Variants in ESD observed in about 807,000 individuals in gnomAD.
The protein encoded by ESD is esterase D, also known as S-formylglutathione hydrolase.
Under a neutral mutation model 38.1 loss-of-function variants are expected in ESD, and 34 were observed. The ratio of observed to expected loss-of-function variants is 0.89; its 90% CI spans 0.68 to 1.19. The LOEUF (loss-of-function observed/expected upper bound fraction) is 1.19, where lower values mean the gene tolerates loss of function less well. ESD is among the 50% of genes most tolerant of loss of function. The pLI is 0.00. For missense variants in ESD, 334 were observed against 327.2 expected (o/e 1.02, Z -0.16); for synonymous variants, 97 against 107.0 (o/e 0.91, Z 0.58).
At chr13:46,780,861 T>G (rs556337571) in intron 7 of ESD, among the ~76,000 whole-genome samples, 8 of 151,770 alleles carry the variant, frequency 5.3e-5, no homozygotes, top group Non-Finnish European at 8.9e-5. Context: ...TTTAAGGGCA[T>G]GAACAGCCCT....
rs1566280278 is a variant in ESD at position 46,782,762 on chromosome 13, T to C, written c.286A>G (p.Ser96Gly). The C allele has an allele frequency of 1.2e-6, 2 of 1,612,288 alleles. No homozygotes were observed. Among genetic ancestry groups the C allele is most frequent in the Non-Finnish European group, 1.7e-6 (2 of 1,178,812 alleles). ...RGCNIKGEDESWDFGTGAGFY... is the reference protein window; with the variant it reads ...RGCNIKGEDEGWDFGTGAGFY... ...CCAGCACCAGTGCCAAAGTCCCAGC[T>C]CTCATCTTCACCTTTAATATTGCAG... Residue 96 changes from serine (S) to glycine (G), a missense_variant, in exon 6 of 10, where the codon AGC becomes GGC. Transcript: ENST00000378720.
At position 46,780,019 on chromosome 13, in the gene ESD, A is replaced by G; in HGVS notation, c.516T>C (p.Phe172=). The change falls in exon 8 of 10, where the codon TTT becomes TTC. Residue 172 remains phenylalanine, a synonymous_variant. Coordinates refer to ENST00000378720, the MANE Select transcript of ESD (RefSeq NM_001984.2). ...NPGKYKSVSA[F]APICNPVLCP... ...AGAGTACAGGGTTGCAAATTGGAGC[A>G]AATGCTGACACAGACTTCAGAAACA... 6.3e-7 allele frequency: 1 copy of G among 1,594,392 alleles called. No homozygotes were observed. The highest frequency in any genetic ancestry group is 8.6e-7 in the Non-Finnish European group (1 of 1,169,172).
At chr13:46,785,025 C>A (rs1052328246) in intron 4 of ESD, among the ~76,000 whole-genome samples, 4 of 151,832 alleles carry the variant, frequency 2.6e-5, no homozygotes, top group African/African-American at 9.7e-5. Context: ...AATACAAATA[C>A]TTTTTTTTAC....
chr13:46,776,569 CAG>C (rs1874805304), intron 9 of ESD: 1 of 152,032 alleles, frequency 6.6e-6, no homozygotes, highest in Non-Finnish European at 1.5e-5. Flanking sequence ...ATTTGTAAAA[CAG>C]ATGGATAGGA....
At chr13:46,779,416 C>T (rs1216954) in intron 8 of ESD, among the ~76,000 whole-genome samples, 7,464 of 151,482 alleles carry the variant, frequency 0.049, 583 homozygotes, top group African/African-American at 0.17. Context: ...ATCAGAAATG[C>T]TCCAAAATCT....
chr13:46,780,038 AGAAAC>A lies in ESD; in HGVS notation c.502-10_502-6del. On this transcript the variant is annotated splice_polypyrimidine_tract_variant and splice_region_variant and intron_variant, in intron 7 of 9. Coordinates refer to ENST00000378720, the MANE Select transcript of ESD (RefSeq NM_001984.2). ...TGGAGCAAATGCTGACACAGACTTC[AGAAAC>A]AAAAGAAATTTAAAAACAAGTTATA... 1 of 1,561,934 alleles carries A rather than the reference AGAAAC, an allele frequency of 6.4e-7. No individual in the cohort carries two copies. Among genetic ancestry groups the A allele is most frequent in the Non-Finnish European group, 8.7e-7 (1 of 1,150,006 alleles).
chr13:46,796,414 G>A (rs1875578613), intron 1 of ESD, among the ~76,000 whole-genome samples: 1 of 152,214 alleles, frequency 6.6e-6, no homozygotes, highest in African/African-American at 2.4e-5. Context: ...TTAAAATGCT[G>A]CTTCTACCAC....
intron 5 of ESD, 125 bp downstream of exon 5, chr13:46,784,127 T>A: frequency 1.5e-6 from 1 of 676,668 alleles, no homozygotes; most frequent in Non-Finnish European, 2.4e-6. Context: ...TGATGCCACT[T>A]GAAAGGTTAA....
At chr13:46,784,494 G>C in intron 4 of ESD, 144 bp from the exon 5 acceptor site, 1 of 580,924 alleles carries the variant, frequency 1.7e-6, no homozygotes, top group Middle Eastern at 3.2e-4. Context: ...CTACCCGGGT[G>C]ATGGTATCTT....
intron 8 of ESD, among the ~76,000 whole-genome samples, chr13:46,779,643 A>T (rs1874925899): frequency 6.7e-6 from 1 of 149,006 alleles, no homozygotes; most frequent in African/African-American, 2.4e-5. Context: ...GTAGAAAAAA[A>T]ATATAGCCCC....
chr13:46,794,161 A>AAC (rs1555294167), intron 1 of ESD, among the ~76,000 whole-genome samples: 7 of 151,336 alleles, frequency 4.6e-5, no homozygotes, highest in African/African-American at 1.7e-4. Flanking sequence ...CCCCTCCAAA[A>AAC]AACAACAACA....
At chr13:46,787,857 A>G (rs1403281830) in intron 3 of ESD, among the ~76,000 whole-genome samples, 1 of 151,944 alleles carries the variant, frequency 6.6e-6, no homozygotes, top group Non-Finnish European at 1.5e-5. Flanking sequence ...CATATTCCAG[A>G]GATAATTAAT....
intron 7 of ESD, among the ~76,000 whole-genome samples, chr13:46,780,354 T>TA (rs1174996255): frequency 6.6e-6 from 1 of 151,762 alleles, no homozygotes; most frequent in East Asian, 1.9e-4. Context: ...CACTGAAAAT[T>TA]AATCTATAGT....
At chr13:46,779,894 A>C in intron 8 of ESD, 41 bp downstream of exon 8, 1 of 1,479,688 alleles carries the variant, frequency 6.8e-7, no homozygotes, top group Non-Finnish European at 9.3e-7. Flanking sequence ...AACAAACTTG[A>C]AACTTAAGAA....
At chr13:46,774,236 A>G (rs973673948) in intron 9 of ESD, among the ~76,000 whole-genome samples, 3 of 152,204 alleles carry the variant, frequency 2.0e-5, no homozygotes, top group East Asian at 1.9e-4. Flanking sequence ...ACAAATGACC[A>G]TAAGTTCCAT....
In ESD at chr13:46,780,037, C is replaced by T. The variant is rs2138289894; in HGVS notation, c.502-4G>A. 6.4e-7 allele frequency: 1 copy of T among 1,571,034 alleles called. No individual in the cohort carries two copies. The highest frequency in any genetic ancestry group is 8.6e-7 in the Non-Finnish European group (1 of 1,157,538). On this transcript the variant is annotated splice_region_variant and splice_polypyrimidine_tract_variant and intron_variant, in intron 7 of 9. Coordinates refer to ENST00000378720, the MANE Select transcript of ESD (RefSeq NM_001984.2). Reference sequence around the variant, plus strand: ...TTGGAGCAAATGCTGACACAGACTTCAGAAACAAAAGAAATTTAAAAACAA... The same window carrying T: ...TTGGAGCAAATGCTGACACAGACTTTAGAAACAAAAGAAATTTAAAAACAA...
intron 1 of ESD, among the ~76,000 whole-genome samples, chr13:46,796,793 A>C (rs1317260108): frequency 2.0e-5 from 3 of 152,230 alleles, no homozygotes; most frequent in Non-Finnish European, 4.4e-5. Flanking sequence ...CGGGTCTAGG[A>C]AAGTCTTTCT....
At chr13:46,787,265 G>A (rs1056461607) in intron 3 of ESD, among the ~76,000 whole-genome samples, 156 bp from the exon 4 acceptor site, 5 of 151,798 alleles carry the variant, frequency 3.3e-5, no homozygotes, top group African/African-American at 4.8e-5. Context: ...AACATTTAAC[G>A]AATATACTTG....
At chr13:46,788,044 T>C (rs1005910461) in intron 3 of ESD, among the ~76,000 whole-genome samples, 3 of 152,040 alleles carry the variant, frequency 2.0e-5, no homozygotes, top group Non-Finnish European at 4.4e-5. Context: ...ACATTTCTCC[T>C]TCCACTATCG....
Sources: gnomAD v4.1 joint callset for allele counts (sites outside exome capture counted in the v4.1 genomes callset) on GRCh38, gnomAD v4.1.1 for gene constraint, MANE v1.5 for transcripts, NCBI Gene and HGNC (gene_info 2026-07-23, HGNC 2026-07-21) for gene names.